The following AMZ1 variants were observed in gnomAD, a reference collection of about 807,000 sequenced individuals.
AMZ1 encodes archaelysin family metallopeptidase 1, also known as archaemetzincin-1.
Under a neutral mutation model 29.9 loss-of-function variants are expected in AMZ1, and 39 were observed. That is an observed-to-expected ratio of 1.30 (90% CI 1.01 to 1.70). The LOEUF (loss-of-function observed/expected upper bound fraction) is 1.70, where lower values mean the gene tolerates loss of function less well. Among genes scored for constraint, AMZ1 ranks in the 40% most tolerant of loss-of-function variants. The probability of loss-of-function intolerance (pLI) is 0.00; values close to 1 mark genes in which losing one functional copy is unlikely to be tolerated. For missense variants in AMZ1, 1,041 were observed against 680.6 expected, an observed-to-expected ratio of 1.53 and a Z score of -5.89; for synonymous variants, 458 against 304.0, an observed-to-expected ratio of 1.51 and a Z score of -5.27.
intron 4 of AMZ1, chr7:2,730,886 C>T (rs1470484167): frequency 1.7e-5 from 6 of 360,518 alleles, no homozygotes; most frequent in Admixed American, 1.6e-4. Context: ...AAAAGAGGAA[C>T]GTTTCTGTAA....
chr7:2,681,229 C>T (rs889577889), intron 1 of AMZ1, among the ~76,000 whole-genome samples: 5 of 152,256 alleles, frequency 3.3e-5, no homozygotes, highest in Admixed American at 3.3e-4. Context: ...TTTTGTTATT[C>T]ATTATTATTT....
In AMZ1 at chr7:2,702,972, G is replaced by A. The variant is rs1437143787; in HGVS notation, c.472+83G>A. The A allele has an allele frequency of 8.3e-6, 12 of 1,452,250 alleles. No homozygotes were observed. In the East Asian group the frequency reaches 3.1e-4, roughly 37 times the overall value. 90.0% of individuals were successfully genotyped at this position (1,452,250 alleles called of 1,614,324 possible). A position where few individuals can be genotyped will look rare whatever the true frequency, so the allele number is the denominator to read the frequency against. On this transcript the variant is annotated intron_variant, in intron 3 of 6. Coordinates refer to ENST00000683327, the MANE Select transcript of AMZ1 (RefSeq NM_001384743.1). ...GGTGGGAGGAAGGCGCCCAGGAGAG[G>A]AAGGGAACCTTTTCTTCCTTTTTGC...
At chr7:2,740,536 T>G (rs1790447154) in intron 4 of AMZ1, among the ~76,000 whole-genome samples, 1 of 152,166 alleles carries the variant, frequency 6.6e-6, no homozygotes, top group South Asian at 2.1e-4. Flanking sequence ...TAATTTCTGT[T>G]GTTTAACCCA....
At chr7:2,705,083 G>T (rs184578314) in intron 3 of AMZ1, among the ~76,000 whole-genome samples, 1,747 of 152,238 alleles carry the variant, frequency 0.011, 27 homozygotes, top group African/African-American at 0.039. Context: ...TGTTATTTTT[G>T]ATTGTTAGTT....
intron 1 of AMZ1, among the ~76,000 whole-genome samples, chr7:2,682,928 C>T (rs940044749): frequency 7.2e-5 from 11 of 152,210 alleles, no homozygotes; most frequent in Non-Finnish European, 5.9e-5. Flanking sequence ...TCTTGCTGTG[C>T]GGTGAAGCCA....
chr7:2,700,097 G>T, intron 1 of AMZ1, 137 bp from the exon 2 acceptor site: 1 of 284,126 alleles, frequency 3.5e-6, no homozygotes, highest in Non-Finnish European at 6.7e-6. Flanking sequence ...GTCCTGGAGG[G>T]GCCAGGGCTC....
intron 4 of AMZ1, among the ~76,000 whole-genome samples, chr7:2,753,819 C>G (rs933148286): frequency 2.6e-5 from 4 of 151,958 alleles, no homozygotes; most frequent in African/African-American, 9.7e-5. Flanking sequence ...TCAGTTTCTT[C>G]TGGGATATCT....
In AMZ1 at chr7:2,731,328, C is replaced by T; in HGVS notation, n.550+21512C>T. On this transcript the variant is annotated intron_variant and non_coding_transcript_variant, in intron 4 of 4. Transcript: ENST00000489665. This position sits in a 1 kb window ranked among gnomAD's most constrained non-coding sequence, Gnocchi z 6.0. Reference sequence around the variant, plus strand: ...GGTTCCGTCTCTTCCTGTCGAAGCACTGGACCAGGTAGCGCTGGACGTCCT... The same window carrying T: ...GGTTCCGTCTCTTCCTGTCGAAGCATTGGACCAGGTAGCGCTGGACGTCCT... 8 of 1,614,062 alleles carry T rather than the reference C, an allele frequency of 5.0e-6. No individual in the cohort carries two copies. The highest frequency in any genetic ancestry group is 6.8e-6 in the Non-Finnish European group (8 of 1,180,010).
intron 1 of AMZ1, among the ~76,000 whole-genome samples, chr7:2,697,175 T>C (rs1344206717): frequency 6.6e-6 from 1 of 152,190 alleles, no homozygotes; most frequent in Non-Finnish European, 1.5e-5. Context: ...CAATCTCGGC[T>C]CACTGCAACC....
intron 1 of AMZ1, 118 bp downstream of exon 1, chr7:2,688,414 G>A (rs2115038207): frequency 6.6e-6 from 1 of 152,122 alleles, no homozygotes; most frequent in African/African-American, 2.4e-5. Context: ...AGTCCCGAGG[G>A]CGCCCGGGCG....
intron 3 of AMZ1, among the ~76,000 whole-genome samples, chr7:2,703,723 G>T (rs1376987582): frequency 1.3e-5 from 2 of 152,174 alleles, no homozygotes; most frequent in Non-Finnish European, 2.9e-5. Context: ...TGCTGCTTTT[G>T]TCAGTTATCA....
chr7:2,720,822 G>A (rs1184935397), downstream of AMZ1, among the ~76,000 whole-genome samples: 1 of 152,070 alleles, frequency 6.6e-6, no homozygotes, highest in Non-Finnish European at 1.5e-5. Context: ...CTACAGGTGT[G>A]TATCTCTACA....
At chr7:2,749,566 A>G (rs1404251615) in intron 4 of AMZ1, among the ~76,000 whole-genome samples, 4 of 152,072 alleles carry the variant, frequency 2.6e-5, no homozygotes, top group African/African-American at 9.7e-5. Flanking sequence ...ATGCTAAATG[A>G]CGAGTTAATG....
upstream of AMZ1, among the ~76,000 whole-genome samples, chr7:2,761,876 G>T (rs753345911): frequency 1.3e-5 from 2 of 152,058 alleles, no homozygotes; most frequent in African/African-American, 2.4e-5. Flanking sequence ...CGTAAAATTC[G>T]GCTTCCAGCT....
intron 6 of AMZ1, 60 bp from the exon 7 acceptor site, chr7:2,712,270 G>A: frequency 4.7e-6 from 7 of 1,480,602 alleles, no homozygotes; most frequent in Non-Finnish European, 6.3e-6. Context: ...TCTCCTGGCA[G>A]TTCCCTGGCT....
At chr7:2,729,912 C>T (rs538933760) in intron 4 of AMZ1, 9 of 152,490 alleles carry the variant, frequency 5.9e-5, no homozygotes, top group South Asian at 2.1e-4. Context: ...CTGGCCAGCT[C>T]GTATCAACAT....
chr7:2,680,352 G>T (rs142819964), intron 1 of AMZ1, among the ~76,000 whole-genome samples: 2,051 of 152,232 alleles, frequency 0.013, 20 homozygotes, highest in Non-Finnish European at 0.019. Flanking sequence ...AGCCCTGCCA[G>T]GCTGGGCAGG....
At chr7:2,706,422 C>T (rs563214446) in intron 3 of AMZ1, among the ~76,000 whole-genome samples, 4 of 152,290 alleles carry the variant, frequency 2.6e-5, no homozygotes, top group Admixed American at 2.0e-4. Context: ...CTGGGACTGC[C>T]GTAACAAAGT....
At chr7:2,682,132 C>T (rs912330449) in intron 1 of AMZ1, among the ~76,000 whole-genome samples, 17 of 152,214 alleles carry the variant, frequency 1.1e-4, no homozygotes, top group Admixed American at 9.8e-4. Flanking sequence ...GCTCAAAGGG[C>T]GGCCTCACAG....
Sources: allele counts gnomAD v4.1 joint callset (sites outside exome capture counted in the v4.1 genomes callset), GRCh38; gene constraint gnomAD v4.1.1; non-coding constraint Gnocchi (gnomAD v3.1); transcripts MANE v1.5; gene names NCBI Gene and HGNC (gene_info 2026-07-23, HGNC 2026-07-21).